The following CEP72 variants were observed in gnomAD, a reference collection of about 807,000 sequenced individuals.
CEP72 encodes the protein centrosomal protein 72.
In CEP72, 78 loss-of-function variants were observed where a neutral mutation model predicts 65.7. That is an observed-to-expected ratio of 1.19 (90% CI 0.99 to 1.43). CEP72 has a LOEUF of 1.43. Among genes scored for constraint, CEP72 ranks in the 40% most tolerant of loss-of-function variants. The pLI is 0.00. For missense variants in CEP72, 914 were observed against 832.9 expected (o/e 1.10, Z -1.20); for synonymous variants, 358 against 351.7 (o/e 1.02, Z -0.20).
intron 4 of CEP72, among the ~76,000 whole-genome samples, chr5:629,128 G>C (rs962382698): frequency 1.3e-5 from 2 of 152,250 alleles, no homozygotes; most frequent in Non-Finnish European, 2.9e-5. Flanking sequence ...GTTTTGTGTA[G>C]ATATCTCTTA....
chr5:648,721 GCGTGAC>G lies in CEP72; in HGVS notation c.1778+806_1778+811del, dbSNP rs1561061727. The stretch of plus-strand genomic sequence containing the variant: ...CGTGAATGTGAGGCGTGACTGTGAG[GCGTGAC>G]TGTGAGGCATGACTGTGAGGTGTGG... On this transcript the variant is annotated intron_variant, in intron 11 of 11. Coordinates refer to ENST00000264935, the MANE Select transcript of CEP72 (RefSeq NM_018140.4). Among the ~76,000 whole-genome samples the G allele has an allele frequency of 1.2e-3, 162 of 136,576 alleles. 4 individuals are homozygous for G. The highest frequency in any genetic ancestry group is 4.5e-3 in the African/African-American group (155 of 34,278). 89.6% of individuals were successfully genotyped at this position (136,576 alleles called of 152,430 possible).
At chr5:614,918 G>A (rs961533174) in intron 1 of CEP72, among the ~76,000 whole-genome samples, 4 of 152,030 alleles carry the variant, frequency 2.6e-5, no homozygotes, top group Non-Finnish European at 4.4e-5. Context: ...CCTGTTGGTT[G>A]GTGATATTGT....
Position 624,677 on chromosome 5 carries a change from C to T in CEP72, c.512+98C>T, listed in dbSNP as rs1372038773. On this transcript the variant is annotated intron_variant, in intron 4 of 11. Transcript: ENST00000264935. This position sits in a 1 kb window ranked among gnomAD's most constrained non-coding sequence, Gnocchi z 4.7. ...CATTCACTGTGTGCCGGTCACTCTC[C>T]AGGGGCGGACACCAGGAGGGAGGAA... 2.3e-6 allele frequency: 2 copies of T among 873,584 alleles called. No homozygotes were observed. Among genetic ancestry groups the T allele is most frequent in the Non-Finnish European group, 3.8e-6 (2 of 526,594 alleles). The allele number at this position is 873,584 out of a possible 1,614,324, so 54.1% of individuals were successfully genotyped here.
chr5:643,724 C>A, intron 9 of CEP72: 1 of 924,846 alleles, frequency 1.1e-6, no homozygotes. Flanking sequence ...TTGGATGGCT[C>A]ACACCTCACC....
chr5:621,146 A>G (rs1261670637), intron 3 of CEP72, among the ~76,000 whole-genome samples: 1 of 152,232 alleles, frequency 6.6e-6, no homozygotes, highest in Non-Finnish European at 1.5e-5. Flanking sequence ...ACTGCCCGGC[A>G]TGGCCAGGGG....
At chr5:614,421 G>C (rs940658742) in intron 1 of CEP72, among the ~76,000 whole-genome samples, 1 of 149,348 alleles carries the variant, frequency 6.7e-6, no homozygotes, top group African/African-American at 2.5e-5. Context: ...AATTTCCCTC[G>C]ATACTTCCTG....
intron 11 of CEP72, among the ~76,000 whole-genome samples, chr5:649,768 GCGTGGAC>G (rs199648879): frequency 1.1e-4 from 8 of 75,510 alleles, no homozygotes; most frequent in African/African-American, 2.5e-4. Flanking sequence ...TGACTGTGAG[GCGTGGAC>G]TGTGAGGTGT....
chr5:650,083 C>T (rs62650526), intron 11 of CEP72, among the ~76,000 whole-genome samples: 85 of 3,966 alleles, frequency 0.021, 11 homozygotes, highest in Middle Eastern at 0.25. Context: ...GACTGTGAGG[C>T]GTGACTGTGA....
intron 11 of CEP72, among the ~76,000 whole-genome samples, chr5:648,525 GACTGTGAGGTGT>G (rs1738593643): frequency 1.2e-5 from 1 of 86,686 alleles, no homozygotes; most frequent in African/African-American, 5.8e-5. Flanking sequence ...TGTGAGGTGT[GACTGTGAGGTGT>G]GACTGTGAGG....
the CEP72 span, among the ~76,000 whole-genome samples, chr5:672,252 A>G: frequency 6.6e-6 from 1 of 152,128 alleles, no homozygotes; most frequent in Non-Finnish European, 1.5e-5. Context: ...CGCTCGGGGC[A>G]ACCGCAGACC....
intron 6 of CEP72, among the ~76,000 whole-genome samples, chr5:637,060 G>A (rs1323428418): frequency 1.3e-5 from 2 of 152,140 alleles, no homozygotes; most frequent in Admixed American, 6.5e-5. Flanking sequence ...GGTCTTGTGT[G>A]TCCTGGGGGC....
downstream of CEP72, chr5:660,667 A>AT (rs575002667): frequency 6.6e-4 from 100 of 152,400 alleles, no homozygotes; most frequent in African/African-American, 2.4e-3. Flanking sequence ...AGGCATCTCC[A>AT]TCTCAACTCC....
At chr5:648,941 TGTGAGGTGTGACC>T (rs1738674756) in intron 11 of CEP72, among the ~76,000 whole-genome samples, 1 of 121,108 alleles carries the variant, frequency 8.3e-6, no homozygotes, top group African/African-American at 3.2e-5. Flanking sequence ...GAGGTGTGAC[TGTGAGGTGTGACC>T]ACGAGGCATG....
At position 635,493 on chromosome 5, in the gene CEP72, C is replaced by G. The variant is rs1264320024; in HGVS notation, c.813C>G (p.Ser271Arg). 6.2e-7 allele frequency: 1 copy of G among 1,614,026 alleles called. No homozygotes were observed. ...GCTGTCTGGAGAAGATGCCTTGGAG[C>G]CAGCTCTGTGGAGAGCTTCCGCCAC... ...RGCCLEKMPW[S>R]QLCGELPPLY... The change falls in exon 6 of 12, where the codon AGC becomes AGG. Residue 271 changes from serine (S) to arginine (R), a missense_variant. By Grantham distance (110) the Ser-to-Arg change is moderately radical. Transcript: ENST00000264935.
downstream of CEP72, among the ~76,000 whole-genome samples, chr5:653,806 A>C (rs973794804): frequency 2.0e-5 from 3 of 152,244 alleles, no homozygotes; most frequent in Admixed American, 2.0e-4. Context: ...ATTATGTCAT[A>C]ATAGGACACA....
At chr5:644,243 A>G (rs1229978568) in intron 9 of CEP72, 56 bp from the exon 10 acceptor site, 1 of 1,588,290 alleles carries the variant, frequency 6.3e-7, no homozygotes, top group Non-Finnish European at 8.6e-7. Context: ...TTTACTTTCT[A>G]TACGCATTTT....
downstream of CEP72, among the ~76,000 whole-genome samples, chr5:669,453 G>A (rs1740109418): frequency 1.3e-5 from 2 of 152,164 alleles, no homozygotes; most frequent in Non-Finnish European, 2.9e-5. Context: ...GTGCCCATTG[G>A]GCCCTGTGGG....
intron 1 of CEP72, among the ~76,000 whole-genome samples, chr5:613,829 C>T (rs1735830762): frequency 6.6e-6 from 1 of 152,200 alleles, no homozygotes; most frequent in Non-Finnish European, 1.5e-5. Context: ...GTCCCCAGGT[C>T]CTGAAAGAAT....
At chr5:663,387 G>T (rs1325664111) in intron 1 of CEP72, 3 of 152,450 alleles carry the variant, frequency 2.0e-5, no homozygotes, top group Non-Finnish European at 4.4e-5. Flanking sequence ...GAAGCCTGAG[G>T]TCCATTTTTC....
Sources: gnomAD v4.1 joint callset for allele counts (sites outside exome capture counted in the v4.1 genomes callset) on GRCh38, gnomAD v4.1.1 for gene constraint, Gnocchi (gnomAD v3.1) non-coding constraint, MANE v1.5 for transcripts, NCBI Gene and HGNC (gene_info 2026-07-23, HGNC 2026-07-21) for gene names.